The following PBX3 variants were observed in gnomAD, a reference collection of about 807,000 sequenced individuals.
PBX3 encodes the protein PBX homeobox 3.
A neutral mutation model predicts 48.5 loss-of-function variants in PBX3; 14 were observed. The ratio of observed to expected loss-of-function variants is 0.29; its 90% CI spans 0.19 to 0.45. The LOEUF (loss-of-function observed/expected upper bound fraction) is 0.45. Among genes scored for constraint, PBX3 ranks in the 20% least tolerant of loss-of-function variants. The pLI is 1.00. For missense variants in PBX3, 386 were observed against 546.7 expected (o/e 0.71, Z 2.93); for synonymous variants, 210 against 200.3 (o/e 1.05, Z -0.41).
intron 3 of PBX3, among the ~76,000 whole-genome samples, chr9:125,927,452 A>G (rs1297919727): frequency 3.3e-5 from 5 of 152,230 alleles, no homozygotes; most frequent in African/African-American, 1.2e-4. Context: ...TAGTCCTCTA[A>G]TGAGCAGTTA....
Position 125,747,816 on chromosome 9 carries a change from C to T in PBX3, c.200+163C>T, listed in dbSNP as rs1293996021. Among the ~76,000 whole-genome samples the T allele has an allele frequency of 7.3e-5, 11 of 151,676 alleles. No individual in the cohort carries two copies. In the Middle Eastern group the frequency reaches 0.01, roughly 142 times the overall value. ...CCGGCCTCGGGGGGACTTGCCCGCGCCCCCCGAAGCGGGCGGGAGTCGGCA... is the reference window on the plus strand; with the variant it reads ...CCGGCCTCGGGGGGACTTGCCCGCGTCCCCCGAAGCGGGCGGGAGTCGGCA... On this transcript the variant is annotated intron_variant, in intron 1 of 8. Coordinates refer to ENST00000373489, the MANE Select transcript of PBX3 (RefSeq NM_006195.6).
chr9:125,833,137 G>A (rs2132199118), intron 2 of PBX3, among the ~76,000 whole-genome samples: 1 of 152,198 alleles, frequency 6.6e-6, no homozygotes, highest in South Asian at 2.1e-4. Flanking sequence ...GAGCAAATAG[G>A]GAGAAGAAAT....
intron 2 of PBX3, among the ~76,000 whole-genome samples, chr9:125,807,205 T>C (rs1838150402): frequency 6.6e-6 from 1 of 152,082 alleles, no homozygotes; most frequent in Non-Finnish European, 1.5e-5. Context: ...GTGCCTGTAG[T>C]CCTAGCTACT....
At chr9:125,842,781 G>T (rs1839322558) in intron 2 of PBX3, among the ~76,000 whole-genome samples, 1 of 151,896 alleles carries the variant, frequency 6.6e-6, no homozygotes, top group Non-Finnish European at 1.5e-5. Flanking sequence ...TGATCTTTTT[G>T]GTTGTGTTGT....
intron 2 of PBX3, among the ~76,000 whole-genome samples, chr9:125,895,722 A>C (rs750179381): frequency 4.6e-5 from 7 of 152,162 alleles, no homozygotes; most frequent in Admixed American, 4.6e-4. Context: ...TTACTTTTCT[A>C]TTTTATTCAA....
At chr9:125,916,559 C>G (rs973475590) in intron 3 of PBX3, among the ~76,000 whole-genome samples, 12 of 152,064 alleles carry the variant, frequency 7.9e-5, no homozygotes, top group Admixed American at 1.3e-4. Context: ...TTATATTAAC[C>G]ATACTGAATC....
intron 2 of PBX3, among the ~76,000 whole-genome samples, chr9:125,798,172 A>T (rs1837838044): frequency 6.6e-6 from 1 of 152,204 alleles, no homozygotes; most frequent in Admixed American, 6.5e-5. Flanking sequence ...AAAAAGGTAC[A>T]AAGTTCACAG....
At chr9:125,914,950 A>G (rs962459508) in intron 2 of PBX3, among the ~76,000 whole-genome samples, 3 of 152,334 alleles carry the variant, frequency 2.0e-5, no homozygotes, top group Non-Finnish European at 2.9e-5. Flanking sequence ...ATCACTTAGG[A>G]AGTTCTTGAT....
chr9:125,941,175 AAGG>A (rs1841951680), intron 5 of PBX3, among the ~76,000 whole-genome samples: 1 of 152,172 alleles, frequency 6.6e-6, no homozygotes, highest in South Asian at 2.1e-4. Flanking sequence ...GGTTAGTTTG[AAGG>A]AGATGAAGGA....
At chr9:125,960,303 C>T (rs1212654934) in intron 5 of PBX3, among the ~76,000 whole-genome samples, 1 of 152,170 alleles carries the variant, frequency 6.6e-6, no homozygotes, top group Admixed American at 6.5e-5. Context: ...AAGAATAAGT[C>T]GTTCATGTTC....
At chr9:125,889,879 G>T (rs1422237885) in intron 2 of PBX3, among the ~76,000 whole-genome samples, 1 of 148,222 alleles carries the variant, frequency 6.7e-6, no homozygotes, top group African/African-American at 2.4e-5. Flanking sequence ...GCCCGCCCGC[G>T]CTCGCGCTGC....
rs530536170 is a variant in PBX3 at position 125,878,954 on chromosome 9, A to AT, written c.275-36722dup. ...GTGACAACATCACTAAAAGTGAGTG[A>AT]TTTTTTTTTTCCCATGGAAGGAGTT... On this transcript the variant is annotated intron_variant, in intron 2 of 8. Transcript: ENST00000373489. 2.8e-3 allele frequency among the ~76,000 whole-genome samples: 411 copies of AT among 148,700 alleles called. 7 individuals carry two copies. The East Asian group carries it at 0.046, about 17-fold the overall frequency.
chr9:125,827,855 T>C (rs758724313), intron 2 of PBX3, among the ~76,000 whole-genome samples: 5 of 152,126 alleles, frequency 3.3e-5, no homozygotes, highest in Non-Finnish European at 5.9e-5. Context: ...GTTTATAGAG[T>C]ATGTGTATAT....
intron 4 of PBX3, among the ~76,000 whole-genome samples, chr9:125,930,381 A>C (rs1247651344): frequency 2.0e-5 from 3 of 152,170 alleles, no homozygotes; most frequent in Non-Finnish European, 4.4e-5. Flanking sequence ...GCTTTCCCCA[A>C]GTTTCACAGG....
intron 2 of PBX3, among the ~76,000 whole-genome samples, chr9:125,858,695 G>A (rs1296607474): frequency 1.4e-5 from 2 of 141,342 alleles, no homozygotes; most frequent in South Asian, 4.6e-4. Flanking sequence ...GCACGATCTC[G>A]GCTCACTGCA....
chr9:125,822,479 T>C (rs1002962354), intron 2 of PBX3, among the ~76,000 whole-genome samples: 5 of 152,158 alleles, frequency 3.3e-5, no homozygotes, highest in Non-Finnish European at 7.4e-5. Context: ...CTCCAGAGTT[T>C]AAAAACGTTT....
At chr9:125,804,630 C>G (rs1324003618) in intron 2 of PBX3, among the ~76,000 whole-genome samples, 1 of 152,066 alleles carries the variant, frequency 6.6e-6, no homozygotes, top group African/African-American at 2.4e-5. Flanking sequence ...CTGTGCTAGA[C>G]TTAAGGAAAA....
At chr9:125,825,676 G>T (rs1838788077) in intron 2 of PBX3, among the ~76,000 whole-genome samples, 1 of 152,084 alleles carries the variant, frequency 6.6e-6, no homozygotes, top group Non-Finnish European at 1.5e-5. Flanking sequence ...TTTTGACCTT[G>T]CAGAGCCCTG....
rs140691553 is a variant in PBX3 at position 125,762,913 on chromosome 9, T to C, written c.274+14290T>C. Among the ~76,000 whole-genome samples the C allele has an allele frequency of 1.3e-3, 197 of 152,364 alleles. 3 individuals carry two copies. In the East Asian group the frequency reaches 0.017, roughly 13 times the overall value. ...AATTAAACTCACTTGAGCAGATTTT[T>C]TTTTTGGACTTAGAGGTAACCTTTT... On this transcript the variant is annotated intron_variant, in intron 2 of 8. Coordinates refer to ENST00000373489, the MANE Select transcript of PBX3 (RefSeq NM_006195.6).
Sources: allele counts gnomAD v4.1 joint callset (sites outside exome capture counted in the v4.1 genomes callset), GRCh38; gene constraint gnomAD v4.1.1; transcripts MANE v1.5; gene names NCBI Gene and HGNC (gene_info 2026-07-23, HGNC 2026-07-21).